The following ACBD6 variants were observed in gnomAD, a reference collection of about 807,000 sequenced individuals.
ACBD6 encodes acyl-CoA binding domain containing 6, also known as acyl-CoA-binding domain-containing protein 6.
In ACBD6, 28 loss-of-function variants were observed where a neutral mutation model predicts 37.2. The ratio of observed to expected loss-of-function variants is 0.75; its 90% CI spans 0.56 to 1.03. The LOEUF (loss-of-function observed/expected upper bound fraction) is 1.03, where lower values mean the gene tolerates loss of function less well. Ranked by LOEUF, ACBD6 falls within the 50% of genes least tolerant of loss-of-function variation. The pLI is 0.00. For synonymous variants in ACBD6, 113 were observed against 126.8 expected, an observed-to-expected ratio of 0.89 and a Z score of 0.73; for missense variants, 340 against 337.4, an observed-to-expected ratio of 1.01 and a Z score of -0.06.
At chr1:180,391,103 G>T (rs1004173306) in intron 6 of ACBD6, among the ~76,000 whole-genome samples, 1 of 150,326 alleles carries the variant, frequency 6.7e-6, no homozygotes, top group South Asian at 2.1e-4. Flanking sequence ...TTCAATAATG[G>T]TGGTGAAACA....
Position 180,416,869 on chromosome 1 carries a change from T to C in ACBD6, c.468-3398A>G, listed in dbSNP as rs1571481283. On this transcript the variant is annotated intron_variant, in intron 4 of 7. Transcript: ENST00000367595. ...TTCAAATAGGTCTCATGGCAAGACA[T>C]ATAAAGTCCATTTAACTACAAAAAT... Among the ~76,000 whole-genome samples, 4 of 152,254 alleles carry C rather than the reference T, an allele frequency of 2.6e-5. No individual in the cohort carries two copies. In the South Asian group the frequency reaches 6.2e-4, roughly 24 times the overall value.
intron 7 of ACBD6, among the ~76,000 whole-genome samples, chr1:180,304,258 G>T (rs1301973800): frequency 6.6e-6 from 1 of 150,464 alleles, no homozygotes; most frequent in East Asian, 1.9e-4. Context: ...TCTGGCCAGG[G>T]TAATCAGGCA....
chr1:180,417,585 A>C (rs886714101), intron 4 of ACBD6, among the ~76,000 whole-genome samples: 20 of 152,184 alleles, frequency 1.3e-4, no homozygotes, highest in Non-Finnish European at 1.3e-4. Flanking sequence ...CCAGCACTTC[A>C]ATCACTACAA....
rs572865240 is a variant in ACBD6, at chr1:180,455,036, G to C, written c.385-24774C>G. 5.9e-5 allele frequency among the ~76,000 whole-genome samples: 9 copies of C among 152,204 alleles called. No individual in the cohort carries two copies. The South Asian group carries it at 1.2e-3, about 21-fold the overall frequency. ...CATTACTGGGTATATACCCAAAGGA[G>C]TATAAATCATGCTGCTATAAAGACA... On this transcript the variant is annotated intron_variant, in intron 3 of 7. Transcript: ENST00000367595.
intron 12 of ACBD6, chr1:180,273,081 G>T (rs2149267762): frequency 6.6e-6 from 1 of 152,402 alleles, no homozygotes; most frequent in East Asian, 1.9e-4. Flanking sequence ...AAGGGGAATG[G>T]GGGGCAGGCC....
intron 6 of ACBD6, among the ~76,000 whole-genome samples, chr1:180,365,280 C>T (rs148406024): frequency 6.6e-6 from 1 of 152,180 alleles, no homozygotes; most frequent in East Asian, 1.9e-4. Flanking sequence ...AAGAACGTGC[C>T]CACGATTGCC....
In ACBD6 at chr1:180,312,852, TTCA is replaced by T. The variant is rs548024314; in HGVS notation, c.694+1837_694+1839del. On this transcript the variant is annotated intron_variant, in intron 7 of 7. Coordinates refer to ENST00000367595, the MANE Select transcript of ACBD6 (RefSeq NM_032360.4). ...AAATCTCTGAAGTTACTATCCCTAT[TTCA>T]TCATGAGTAAACTGAGGTACAGTGT... Among the ~76,000 whole-genome samples the T allele has an allele frequency of 1.1e-3, 161 of 152,296 alleles. 3 individuals are homozygous for T. The highest frequency in any genetic ancestry group is 1.7e-3 in the Admixed American group (26 of 15,286).
intron 3 of ACBD6, among the ~76,000 whole-genome samples, chr1:180,490,598 AC>A (rs1417955809): frequency 2.0e-5 from 3 of 152,026 alleles, no homozygotes; most frequent in Admixed American, 1.3e-4. Flanking sequence ...ACACGGTGAA[AC>A]CCCGTCTCTA....
At chr1:180,450,739 G>A (rs1005343076) in intron 3 of ACBD6, among the ~76,000 whole-genome samples, 6 of 151,990 alleles carry the variant, frequency 3.9e-5, no homozygotes, top group Admixed American at 2.0e-4. Context: ...CAGCCTGGGC[G>A]ACAGTGAGAC....
chr1:180,379,022 CCTG>C (rs1553300407), intron 6 of ACBD6, among the ~76,000 whole-genome samples: 1 of 152,132 alleles, frequency 6.6e-6, no homozygotes, highest in Non-Finnish European at 1.5e-5. Context: ...CCTGCCTGGA[CCTG>C]CTAATACCAA....
intron 3 of ACBD6, among the ~76,000 whole-genome samples, chr1:180,480,759 C>T (rs764389024): frequency 6.6e-6 from 1 of 152,032 alleles, no homozygotes; most frequent in Non-Finnish European, 1.5e-5. Flanking sequence ...AGGCTGGGCA[C>T]GGTGGCTCAT....
chr1:180,340,183 G>A (rs1437040876), intron 6 of ACBD6, among the ~76,000 whole-genome samples: 1 of 152,160 alleles, frequency 6.6e-6, no homozygotes, highest in Non-Finnish European at 1.5e-5. Context: ...GGCCTAGTAA[G>A]CCATTCTAAG....
chr1:180,347,360 G>GTGT (rs1553296138), intron 6 of ACBD6, among the ~76,000 whole-genome samples: 6,607 of 48,896 alleles, frequency 0.14, 540 homozygotes, highest in Non-Finnish European at 0.18. Context: ...TCAACAGAAA[G>GTGT]TTTTTTTTTT....
intron 4 of ACBD6, among the ~76,000 whole-genome samples, chr1:180,426,095 C>T (rs369332062): frequency 1.3e-5 from 2 of 152,302 alleles, no homozygotes; most frequent in Admixed American, 6.5e-5. Context: ...TGCCAAAACA[C>T]TTCATTTGTC....
chr1:180,455,711 T>C (rs1649889942), intron 3 of ACBD6, among the ~76,000 whole-genome samples: 1 of 152,206 alleles, frequency 6.6e-6, no homozygotes, highest in Admixed American at 6.5e-5. Flanking sequence ...CACTAGATTA[T>C]GATCTTGTCC....
intron 7 of ACBD6, among the ~76,000 whole-genome samples, chr1:180,311,322 T>C (rs1208815231): frequency 6.6e-6 from 1 of 152,218 alleles, no homozygotes; most frequent in Non-Finnish European, 1.5e-5. Context: ...AAGTCTTTCG[T>C]CTCTGATCCA....
intron 3 of ACBD6, chr1:180,435,021 G>A (rs563945575): frequency 6.2e-6 from 6 of 969,156 alleles, no homozygotes; most frequent in Admixed American, 5.1e-5. Flanking sequence ...ATGGAACACC[G>A]ACAATACACT....
At chr1:180,446,794 A>C (rs866768768) in intron 3 of ACBD6, among the ~76,000 whole-genome samples, 3 of 152,290 alleles carry the variant, frequency 2.0e-5, no homozygotes, top group Middle Eastern at 3.4e-3. Context: ...TAATCCTAGC[A>C]CTTTGGGAGG....
At chr1:180,307,641 T>C (rs558104516) in intron 7 of ACBD6, among the ~76,000 whole-genome samples, 13 of 152,256 alleles carry the variant, frequency 8.5e-5, no homozygotes, top group African/African-American at 2.9e-4. Flanking sequence ...GCATCTACTA[T>C]GCACCCACAA....
Sources: allele counts gnomAD v4.1 joint callset (sites outside exome capture counted in the v4.1 genomes callset), GRCh38; gene constraint gnomAD v4.1.1; transcripts MANE v1.5; gene names NCBI Gene and HGNC (gene_info 2026-07-23, HGNC 2026-07-21).